The following PLCZ1 variants were observed in gnomAD, a reference collection of about 807,000 sequenced individuals.
PLCZ1 encodes 1-phosphatidylinositol 4,5-bisphosphate phosphodiesterase zeta-1.
PLCZ1 carries 64 observed loss-of-function variants against 76.8 expected under a neutral mutation model. That is an observed-to-expected ratio of 0.83 (90% CI 0.68 to 1.03). PLCZ1 has a LOEUF of 1.03. PLCZ1 is among the 50% of genes least tolerant of loss of function. The pLI, the probability that PLCZ1 is intolerant of heterozygous loss-of-function variation, is 0.00. For missense variants in PLCZ1, 751 were observed against 713.7 expected, an observed-to-expected ratio of 1.05 and a Z score of -0.60; for synonymous variants, 248 against 230.8, an observed-to-expected ratio of 1.07 and a Z score of -0.68.
chr12:18,669,778 C>T, the PLCZ1 span, among the ~76,000 whole-genome samples: 2 of 152,154 alleles, frequency 1.3e-5, no homozygotes, highest in East Asian at 1.9e-4. Flanking sequence ...CTGCCTCAGC[C>T]TCCTGAGTAG....
chr12:18,701,622 TC>T (rs1955936633), intron 8 of PLCZ1, 54 bp from the exon 9 acceptor site: 7 of 1,490,998 alleles, frequency 4.7e-6, no homozygotes, highest in East Asian at 5.0e-5. Context: ...CTCCTCCTCC[TC>T]CTCCTCCTCC....
chr12:18,736,391 A>G (rs768147263), intron 2 of PLCZ1, 47 bp from the exon 3 acceptor site: 38 of 1,576,962 alleles, frequency 2.4e-5, no homozygotes, highest in Non-Finnish European at 3.2e-5. Context: ...AAGTCATTGA[A>G]TATTTAAAAT....
In PLCZ1 at chr12:18,734,382, G is replaced by A. The variant is rs1330080732; in HGVS notation, c.135+1839C>T. Among the ~76,000 whole-genome samples the A allele has an allele frequency of 5.9e-5, 9 of 152,098 alleles. No individual in the cohort carries two copies. The South Asian group carries it at 1.2e-3, about 21-fold the overall frequency. On this transcript the variant is annotated intron_variant, in intron 3 of 14. Coordinates refer to ENST00000266505, the MANE Select transcript of PLCZ1 (RefSeq NM_033123.4). Reference sequence around the variant, plus strand: ...TGTTGTTGTTGTTTTGAGGACTCTCGCTCTGTTGCCCAGGCTGAAGTGCAG... The same window carrying A: ...TGTTGTTGTTGTTTTGAGGACTCTCACTCTGTTGCCCAGGCTGAAGTGCAG...
At chr12:18,664,280 C>T in the PLCZ1 span, among the ~76,000 whole-genome samples, 1 of 152,004 alleles carries the variant, frequency 6.6e-6, no homozygotes, top group African/African-American at 2.4e-5. Context: ...GAATATATAC[C>T]AAAAAACACT....
intron 3 of PLCZ1, among the ~76,000 whole-genome samples, chr12:18,727,581 G>A (rs1345334627): frequency 6.6e-6 from 1 of 152,158 alleles, no homozygotes; most frequent in Non-Finnish European, 1.5e-5. Context: ...AAACAGAAGA[G>A]TGTAATTAGA....
At chr12:18,659,210 T>TTAAC in the PLCZ1 span, among the ~76,000 whole-genome samples, 17 of 152,276 alleles carry the variant, frequency 1.1e-4, no homozygotes, top group African/African-American at 3.8e-4. Context: ...CTAGCCAACT[T>TTAAC]TAGGCACTAA....
the PLCZ1 span, among the ~76,000 whole-genome samples, chr12:18,666,212 A>C: frequency 6.6e-6 from 1 of 151,982 alleles, no homozygotes; most frequent in Non-Finnish European, 1.5e-5. Flanking sequence ...ATAGAAAACA[A>C]AGAGAAAATT....
intron 3 of PLCZ1, among the ~76,000 whole-genome samples, chr12:18,724,236 TGGGA>T (rs1267261800): frequency 6.6e-6 from 1 of 151,980 alleles, no homozygotes; most frequent in Non-Finnish European, 1.5e-5. Context: ...GAAATTCAAG[TGGGA>T]GGTGGTGAAT....
chr12:18,722,219 T>TC (rs199765018), intron 4 of PLCZ1, among the ~76,000 whole-genome samples: 11,311 of 151,898 alleles, frequency 0.074, 534 homozygotes, highest in Middle Eastern at 0.12. Context: ...CATCACCTTC[T>TC]TGCTCTATGT....
chr12:18,726,201 G>T (rs1192108088), intron 3 of PLCZ1, among the ~76,000 whole-genome samples: 1 of 152,106 alleles, frequency 6.6e-6, no homozygotes, highest in African/African-American at 2.4e-5. Flanking sequence ...ATTTAAAAAT[G>T]CATATCCCAG....
At chr12:18,701,034 G>A (rs955522772) in intron 9 of PLCZ1, among the ~76,000 whole-genome samples, 1 of 151,570 alleles carries the variant, frequency 6.6e-6, no homozygotes. Flanking sequence ...GCCCAGGTTG[G>A]AGTGCAATGG....
rs200061726 is a variant in PLCZ1 at position 18,712,858 on chromosome 12, T to G, written c.698A>C (p.His233Pro). The change falls in exon 6 of 15, where the codon CAC becomes CCC. Residue 233 changes from histidine to proline, a missense_variant. By Grantham distance (77) the His-to-Pro change is moderately conservative. Coordinates refer to ENST00000266505, the MANE Select transcript of PLCZ1 (RefSeq NM_033123.4). ...LLFKTVIQAIHKYAFMTSDYP... is the reference protein window; with the variant it reads ...LLFKTVIQAIPKYAFMTSDYP... Reference sequence around the variant, plus strand: ...TGTACATACCATGAATGCATACTTGTGTATAGCTTGGATAACAGTTTTAAA... The same window carrying G: ...TGTACATACCATGAATGCATACTTGGGTATAGCTTGGATAACAGTTTTAAA... 6.2e-7 allele frequency: 1 copy of G among 1,613,836 alleles called. No individual in the cohort carries two copies. Among genetic ancestry groups the G allele is most frequent in the South Asian group, 1.1e-5 (1 of 91,076 alleles).
rs1956461648 is a variant in PLCZ1 at position 18,705,301 on chromosome 12, T to G, written c.729A>C (p.Pro243=). 6.2e-7 allele frequency: 1 copy of G among 1,614,126 alleles called. No homozygotes were observed. The highest frequency in any genetic ancestry group is 8.5e-7 in the Non-Finnish European group (1 of 1,180,004). Residue 243 remains proline (P), a synonymous_variant, in exon 7 of 15, where the codon CCA becomes CCC. Transcript: ENST00000266505. ...HKYAFMTSDY[P]VVLSLENHCS... is the part of the protein sequence containing the mutation. ...AGTGATTTTCTAAAGAGAGCACCAC[T>G]GGGTAGTCAGATGTCTAAAAAAGTA...
At chr12:18,681,445 A>G (rs552003400), downstream of PLCZ1, among the ~76,000 whole-genome samples, 1 of 152,158 alleles carries the variant, frequency 6.6e-6, no homozygotes, top group East Asian at 1.9e-4. Flanking sequence ...AGCATTAATC[A>G]AATCTATCTT....
chr12:18,696,523 G>GA (rs1462942343), intron 10 of PLCZ1, among the ~76,000 whole-genome samples: 1 of 150,924 alleles, frequency 6.6e-6, no homozygotes, highest in Non-Finnish European at 1.5e-5. Flanking sequence ...ATCATTCAAG[G>GA]AAAAAATTGA....
intron 10 of PLCZ1, among the ~76,000 whole-genome samples, chr12:18,697,671 C>CT (rs1428724024): frequency 6.6e-6 from 1 of 152,130 alleles, no homozygotes; most frequent in Admixed American, 6.6e-5. Flanking sequence ...TCACATATAT[C>CT]TTCCCATTCT....
intron 3 of PLCZ1, among the ~76,000 whole-genome samples, chr12:18,727,010 C>T (rs1199946487): frequency 6.6e-6 from 1 of 151,976 alleles, no homozygotes; most frequent in East Asian, 1.9e-4. Context: ...AGCAGATAGT[C>T]TAGAAAAAGA....
the PLCZ1 span, among the ~76,000 whole-genome samples, chr12:18,668,999 G>A: frequency 5.3e-5 from 8 of 152,134 alleles, no homozygotes; most frequent in South Asian, 4.2e-4. Context: ...AATTTCCCCC[G>A]CTGAGCAAAA....
At position 18,684,213 on chromosome 12, in the gene PLCZ1, C is replaced by T. The variant is rs773460175; in HGVS notation, c.1658G>A (p.Arg553His). ...IIHVPELALI[R>H]FVVEGQGLIA... is the part of the protein sequence containing the mutation. Reference sequence around the variant, plus strand: ...TAAACCTTGACCTTCAACAACAAAACGTATCAATGCCAATTCTGGGACATG... The same window carrying T: ...TAAACCTTGACCTTCAACAACAAAATGTATCAATGCCAATTCTGGGACATG... The change falls in exon 14 of 15, where the codon CGT becomes CAT. Residue 553 changes from arginine (R) to histidine (H), a missense_variant. By Grantham distance (29) the Arg-to-His change is conservative. Coordinates refer to ENST00000266505, the MANE Select transcript of PLCZ1 (RefSeq NM_033123.4). The T allele has an allele frequency of 3.0e-5, 48 of 1,611,710 alleles. No individual in the cohort carries two copies. The highest frequency in any genetic ancestry group is 3.5e-5 in the Non-Finnish European group (41 of 1,178,486).
Sources: allele counts gnomAD v4.1 joint callset (sites outside exome capture counted in the v4.1 genomes callset), GRCh38; gene constraint gnomAD v4.1.1; transcripts MANE v1.5; gene names NCBI Gene and HGNC (gene_info 2026-07-23, HGNC 2026-07-21).